The following SNX25 variants were observed in gnomAD, a reference collection of about 807,000 sequenced individuals.
The protein encoded by SNX25 is sorting nexin-25.
A neutral mutation model predicts 113.7 loss-of-function variants in SNX25; 62 were observed. The observed-to-expected ratio is 0.55, with a 90% CI of 0.44 to 0.67. The LOEUF (loss-of-function observed/expected upper bound fraction) is 0.67, where lower values mean the gene tolerates loss of function less well. Among genes scored for constraint, SNX25 ranks in the 30% least tolerant of loss-of-function variants. The pLI, the probability that SNX25 is intolerant of heterozygous loss-of-function variation, is 0.00. For missense variants in SNX25, 1,014 were observed against 1,161.0 expected, an observed-to-expected ratio of 0.87 and a Z score of 1.84; for synonymous variants, 421 against 436.2, an observed-to-expected ratio of 0.97 and a Z score of 0.43.
intron 1 of SNX25, among the ~76,000 whole-genome samples, chr4:185,230,783 ATGT>A (rs1393418665): frequency 5.9e-5 from 9 of 152,194 alleles, no homozygotes; most frequent in East Asian, 1.9e-4. Flanking sequence ...AATTTAGGAA[ATGT>A]TGTTAAAAAT....
At chr4:185,262,060 C>T (rs1747409468) in intron 3 of SNX25, among the ~76,000 whole-genome samples, 1 of 152,152 alleles carries the variant, frequency 6.6e-6, no homozygotes, top group Non-Finnish European at 1.5e-5. Context: ...CTAGAAATCT[C>T]CAGTAGTGTG....
In SNX25 at chr4:185,239,421, T is replaced by C. The variant is rs1233278975; in HGVS notation, c.430-7873T>C. Among the ~76,000 whole-genome samples, 4 of 152,216 alleles carry C rather than the reference T, an allele frequency of 2.6e-5. No homozygotes were observed. In the East Asian group the frequency reaches 7.7e-4, roughly 29 times the overall value. The stretch of plus-strand genomic sequence containing the variant: ...TGGCTTGAACCCAGGACGCGGAGCT[T>C]GCAGTGAGCTGAGATCGCACCGCTG... On this transcript the variant is annotated intron_variant, in intron 1 of 18. Coordinates refer to ENST00000652585, the MANE Select transcript of SNX25 (RefSeq NM_001378034.2).
intron 3 of SNX25, among the ~76,000 whole-genome samples, chr4:185,261,108 CTGTCTCTGTGTGTGTGTGTGTG>C (rs1747249895): frequency 7.7e-6 from 1 of 130,656 alleles, no homozygotes; most frequent in Non-Finnish European, 1.6e-5. Flanking sequence ...GTCTGTCTGT[CTGTCTCTGTGTGTGTGTGTGTG>C]TGTGTGTGTG....
Position 185,331,072 on chromosome 4 carries a change from T to G in SNX25, c.1750-1523T>G, listed in dbSNP as rs962189425. 2.6e-5 allele frequency among the ~76,000 whole-genome samples: 4 copies of G among 152,228 alleles called. No homozygotes were observed. The East Asian group carries it at 5.8e-4, about 22-fold the overall frequency. On this transcript the variant is annotated intron_variant, in intron 9 of 18. Coordinates refer to ENST00000652585, the MANE Select transcript of SNX25 (RefSeq NM_001378034.2). Reference sequence around the variant, plus strand: ...AAACAAATAGGAAGAAATGTCTACCTTCACCTCGGATTCAAAGAGGGCTGA... The same window carrying G: ...AAACAAATAGGAAGAAATGTCTACCGTCACCTCGGATTCAAAGAGGGCTGA...
At chr4:185,261,187 T>G (rs1052316127) in intron 3 of SNX25, among the ~76,000 whole-genome samples, 1 of 151,956 alleles carries the variant, frequency 6.6e-6, no homozygotes, top group African/African-American at 2.4e-5. Context: ...TTTATTTTTA[T>G]TTTTATTTTT....
At chr4:185,284,909 G>A (rs989347710) in intron 5 of SNX25, among the ~76,000 whole-genome samples, 1 of 152,146 alleles carries the variant, frequency 6.6e-6, no homozygotes, top group African/African-American at 2.4e-5. Context: ...TGAAACTGAT[G>A]TTTATTAGTA....
intron 6 of SNX25, among the ~76,000 whole-genome samples, chr4:185,293,149 G>A (rs182483106): frequency 8.6e-4 from 131 of 152,270 alleles, no homozygotes; most frequent in Admixed American, 4.4e-3. Context: ...AAAGAGATAA[G>A]AACTGTTGGT....
At chr4:185,280,416 C>T (rs938792062) in intron 5 of SNX25, among the ~76,000 whole-genome samples, 1 of 152,024 alleles carries the variant, frequency 6.6e-6, no homozygotes, top group Non-Finnish European at 1.5e-5. Flanking sequence ...ATAGCATAAA[C>T]CCAGTTTTAT....
At chr4:185,378,554 A>G in the SNX25 span, 1 of 1,029,716 alleles carries the variant, frequency 9.7e-7, no homozygotes, top group Non-Finnish European at 1.2e-6. Context: ...GCCCACAGTC[A>G]GAGCTCTTCT....
At chr4:185,360,565 T>C (rs115786770) in intron 16 of SNX25, among the ~76,000 whole-genome samples, 2,404 of 152,288 alleles carry the variant, frequency 0.016, 43 homozygotes, top group South Asian at 0.059. Context: ...GGAGAGGCTT[T>C]TCTCCTCCCA....
At chr4:185,369,715 G>A (rs2095408377) in intron 11 of SNX25, 1 of 430,668 alleles carries the variant, frequency 2.3e-6, no homozygotes, top group African/African-American at 2.1e-5. Flanking sequence ...AGTAATTTAG[G>A]GTTCCCAAAC....
At chr4:185,251,819 GAA>G (rs552070233) in intron 2 of SNX25, among the ~76,000 whole-genome samples, 2 of 146,402 alleles carry the variant, frequency 1.4e-5, no homozygotes, top group African/African-American at 2.5e-5. Flanking sequence ...TACTTGTGGG[GAA>G]AAAAAAAAGA....
intron 10 of SNX25, among the ~76,000 whole-genome samples, chr4:185,333,887 T>TA (rs565100077): frequency 1.0e-3 from 142 of 141,092 alleles, no homozygotes; most frequent in African/African-American, 2.4e-3. Context: ...CTAGTAAAAA[T>TA]AAAAAAAAAA....
chr4:185,252,027 A>G (rs1232694731), intron 2 of SNX25, among the ~76,000 whole-genome samples: 3 of 150,326 alleles, frequency 2.0e-5, no homozygotes, highest in Non-Finnish European at 3.0e-5. Context: ...CCTTTGCTTT[A>G]AAGTGGTTTT....
intron 7 of SNX25, among the ~76,000 whole-genome samples, chr4:185,319,193 CTTT>C (rs143650995): frequency 9.3e-5 from 8 of 85,948 alleles, no homozygotes; most frequent in East Asian, 3.1e-4. Context: ...TGAGAAAGTC[CTTT>C]TTTTTTTTTT....
At chr4:185,378,365 A>C in the SNX25 span, 458,064 of 1,417,906 alleles carry the variant, frequency 0.32, 84,832 homozygotes, top group African/African-American at 0.83. Context: ...AACATTCTTT[A>C]CTAGGACACC....
At chr4:185,260,129 CTTTT>C (rs35395652) in intron 3 of SNX25, among the ~76,000 whole-genome samples, 1 of 152,084 alleles carries the variant, frequency 6.6e-6, no homozygotes, top group Non-Finnish European at 1.5e-5. Flanking sequence ...AACTTTGACA[CTTTT>C]TTTAACGTTT....
chr4:185,303,591 G>A (rs777028712), intron 6 of SNX25, among the ~76,000 whole-genome samples: 5 of 150,944 alleles, frequency 3.3e-5, no homozygotes, highest in Non-Finnish European at 5.9e-5. Context: ...CCTGGGAGGC[G>A]GAGCTTGCAG....
intron 1 of SNX25, among the ~76,000 whole-genome samples, chr4:185,221,692 C>G (rs1739881897): frequency 6.6e-6 from 1 of 152,126 alleles, no homozygotes; most frequent in African/African-American, 2.4e-5. Flanking sequence ...TCCTAGCTCT[C>G]TAGCCTAATC....
Sources: allele counts gnomAD v4.1 joint callset (sites outside exome capture counted in the v4.1 genomes callset), GRCh38; gene constraint gnomAD v4.1.1; transcripts MANE v1.5; gene names NCBI Gene and HGNC (gene_info 2026-07-23, HGNC 2026-07-21).